PAXBP1: variants seen among roughly 807,000 people sequenced by gnomAD.
PAXBP1 encodes the protein PAX3- and PAX7-binding protein 1.
PAXBP1 carries 44 observed loss-of-function variants against 119.9 expected under a neutral mutation model. The observed-to-expected ratio is 0.37, with a 90% confidence interval of 0.29 to 0.47. The LOEUF (loss-of-function observed/expected upper bound fraction) is 0.47. Among genes scored for constraint, PAXBP1 ranks in the 20% least tolerant of loss-of-function variants. The pLI is 0.99. For missense variants in PAXBP1, 898 were observed against 1,134.1 expected (o/e 0.79, Z 2.99); for synonymous variants, 393 against 406.6 (o/e 0.97, Z 0.40).
intron 5 of PAXBP1, 109 bp from the exon 6 acceptor site, chr21:32,760,103 ATAT>A (rs1267295848): frequency 5.3e-6 from 4 of 760,050 alleles, no homozygotes; most frequent in Non-Finnish European, 8.4e-6. Context: ...TATTTGCCAA[ATAT>A]TATGTAATAA....
At chr21:32,765,240 G>A (rs1476633175) in intron 2 of PAXBP1, among the ~76,000 whole-genome samples, 1 of 152,170 alleles carries the variant, frequency 6.6e-6, no homozygotes, top group African/African-American at 2.4e-5. Context: ...CTGAGGAATG[G>A]CCACATTGTG....
chr21:32,734,750 G>T lies in PAXBP1; in HGVS notation c.*200C>A, dbSNP rs148415052. 8,237 of 586,978 alleles carry T rather than the reference G, an allele frequency of 0.014. 79 individuals carry two copies. The highest frequency in any genetic ancestry group is 0.019 in the Middle Eastern group (43 of 2,206). The allele number at this position is 586,978 out of a possible 1,614,324, so 36.4% of individuals were successfully genotyped here. A position where few individuals can be genotyped will look rare whatever the true frequency, so the allele number is the denominator to read the frequency against. ...TAAACAAAGTATGACAGGCAGTAAAGAAAACATTCATAGACTCCTAGAAAT... is the reference window on the plus strand; with the variant it reads ...TAAACAAAGTATGACAGGCAGTAAATAAAACATTCATAGACTCCTAGAAAT... On this transcript the variant is annotated 3_prime_UTR_variant, in exon 18 of 18. Transcript: ENST00000331923.
chr21:32,761,159 A>G lies in PAXBP1; in HGVS notation c.875T>C (p.Ile292Thr). ...TAAAGCATCATCATCACTCCCCTCA[A>G]TTCCTACAGCCATGAGCAACAAAGA... Reference protein sequence around the residue: ...QRQKIAEEIGIEGSDDDALVT... With the variant: ...QRQKIAEEIGTEGSDDDALVT... The change falls in exon 5 of 18, where the codon ATT (isoleucine) becomes ACT (threonine). Residue 292 changes from isoleucine (I) to threonine (T), a missense_variant. Transcript: ENST00000331923. 6.2e-7 allele frequency: 1 copy of G among 1,613,196 alleles called. No individual in the cohort carries two copies. Among genetic ancestry groups the G allele is most frequent in the Non-Finnish European group, 8.5e-7 (1 of 1,179,396 alleles).
Position 32,759,067 on chromosome 21 carries a change from T to C in PAXBP1, c.1383+13A>G. 3 of 1,612,658 alleles carry C rather than the reference T, an allele frequency of 1.9e-6. No homozygotes were observed. Among genetic ancestry groups the C allele is most frequent in the Non-Finnish European group, 2.5e-6 (3 of 1,179,176 alleles). The stretch of plus-strand genomic sequence containing the variant: ...TGCCTTATTCAAAGAGATTAGTATT[T>C]TTGCATTCTTACCTTTTCACTGAAA... On this transcript the variant is annotated intron_variant, in intron 7 of 17. Transcript: ENST00000331923.
chr21:32,767,711 A>G (rs111979230), intron 2 of PAXBP1, among the ~76,000 whole-genome samples: 3,640 of 152,248 alleles, frequency 0.024, 59 homozygotes, highest in Non-Finnish European at 0.037. Context: ...CGCCATGTAA[A>G]AAGTGCCTTT....
intron 2 of PAXBP1, 89 bp downstream of exon 2, chr21:32,769,725 G>A: frequency 7.1e-7 from 1 of 1,407,292 alleles, no homozygotes. Context: ...AGGGTCCACT[G>A]AATGAGTTCA....
intron 7 of PAXBP1, chr21:32,755,765 T>C (rs893719814): frequency 6.2e-6 from 1 of 160,062 alleles, no homozygotes; most frequent in Admixed American, 6.3e-5. Context: ...ACATTATCAC[T>C]GTGTGGTACC....
At chr21:32,763,812 C>G (rs1350483653) in intron 3 of PAXBP1, among the ~76,000 whole-genome samples, 1 of 151,868 alleles carries the variant, frequency 6.6e-6, no homozygotes, top group Non-Finnish European at 1.5e-5. Context: ...ATGGAGAAAC[C>G]CCATCTCTAC....
intron 2 of PAXBP1, among the ~76,000 whole-genome samples, chr21:32,764,801 C>T (rs1193091271): frequency 6.6e-6 from 1 of 152,146 alleles, no homozygotes; most frequent in African/African-American, 2.4e-5. Context: ...CTCCATTCCA[C>T]CTTCAGTTAA....
chr21:32,759,432 A>G (rs2044100210), intron 6 of PAXBP1, 163 bp from the exon 7 acceptor site: 2 of 792,092 alleles, frequency 2.5e-6, no homozygotes, highest in Non-Finnish European at 3.8e-6. Flanking sequence ...AAAAAACAAA[A>G]AATGGCAGTT....
chr21:32,766,705 C>T (rs1316961704), intron 2 of PAXBP1, among the ~76,000 whole-genome samples: 6 of 152,178 alleles, frequency 3.9e-5, no homozygotes, highest in African/African-American at 7.2e-5. Flanking sequence ...GCTGCAGCCA[C>T]GGCTAATTCA....
chr21:32,743,201 G>T, intron 15 of PAXBP1, 47 bp downstream of exon 15: 1 of 1,370,946 alleles, frequency 7.3e-7, no homozygotes, highest in Non-Finnish European at 1.0e-6. Context: ...TGTAATATAT[G>T]AAGTCAAACG....
chr21:32,750,828 C>T, intron 10 of PAXBP1, 89 bp downstream of exon 10: 1 of 948,692 alleles, frequency 1.1e-6, no homozygotes, highest in Non-Finnish European at 1.6e-6. Flanking sequence ...ATGCAGAGAC[C>T]ATGAAGATTC....
intron 5 of PAXBP1, 76 bp downstream of exon 5, chr21:32,760,983 G>A (rs944601025): frequency 2.4e-5 from 26 of 1,075,728 alleles, no homozygotes; most frequent in African/African-American, 3.2e-5. Context: ...GATTCAATAC[G>A]GAATTTTTTA....
Position 32,755,331 on chromosome 21 carries a change from T to A in PAXBP1, c.1406A>T (p.Glu469Val), listed in dbSNP as rs548429395. The change falls in exon 8 of 18, where the codon GAA becomes GTA. Residue 469 changes from glutamate (E) to valine (V), a missense_variant. By Grantham distance (121) the Glu-to-Val change is moderately radical (BLOSUM62 -2). Around this residue, in one of 2 missense-constraint regions of PAXBP1, gnomAD observed 599 missense variants for 852.7 expected, o/e 0.70. Transcript: ENST00000331923. ...TTTGTACAGCTGATGTATTGCTGAT[T>A]CAAGTTCATTAATCAGTGGCACCTG... ...SEKVPLINELESAIHQLYKQR... is the reference protein window; with the variant it reads ...SEKVPLINELVSAIHQLYKQR... The A allele has an allele frequency of 6.2e-7, 1 of 1,612,850 alleles. No homozygotes were observed. Among genetic ancestry groups the A allele is most frequent in the African/African-American group, 1.3e-5 (1 of 74,972 alleles).
At chr21:32,751,247 A>G (rs376817417) in intron 8 of PAXBP1, 29 bp from the exon 9 acceptor site, 26 of 1,603,830 alleles carry the variant, frequency 1.6e-5, no homozygotes, top group Non-Finnish European at 2.0e-5. Context: ...TAAAATTAAA[A>G]GCCATCTTTC....
At chr21:32,768,628 T>C (rs748882116) in intron 2 of PAXBP1, among the ~76,000 whole-genome samples, 1 of 152,198 alleles carries the variant, frequency 6.6e-6, no homozygotes, top group Non-Finnish European at 1.5e-5. Flanking sequence ...AGCTGGCCCT[T>C]GAGTTTAAAC....
intron 2 of PAXBP1, among the ~76,000 whole-genome samples, chr21:32,769,245 A>G (rs1790635836): frequency 6.6e-6 from 1 of 152,200 alleles, no homozygotes; most frequent in Non-Finnish European, 1.5e-5. Flanking sequence ...AGACAAAATA[A>G]CCGCTTAAAA....
At chr21:32,755,405 A>G in intron 7 of PAXBP1, 52 bp from the exon 8 acceptor site, 4 of 1,589,562 alleles carry the variant, frequency 2.5e-6, no homozygotes, top group Non-Finnish European at 3.4e-6. Flanking sequence ...CTGCTTATTT[A>G]TTTGAGGGTT....
Sources: allele counts gnomAD v4.1 joint callset (sites outside exome capture counted in the v4.1 genomes callset), GRCh38; gene constraint gnomAD v4.1.1; regional missense constraint gnomAD v4.1.1; transcripts MANE v1.5; gene names NCBI Gene and HGNC (gene_info 2026-07-23, HGNC 2026-07-21).